CAPN9: variants seen among roughly 807,000 people sequenced by gnomAD.
The protein encoded by CAPN9 is calpain-9.
A neutral mutation model predicts 92.8 loss-of-function variants in CAPN9; 81 were observed. The ratio of observed to expected loss-of-function variants is 0.87; its 90% CI spans 0.73 to 1.05. The LOEUF (loss-of-function observed/expected upper bound fraction) is 1.05. CAPN9 is among the 50% of genes least tolerant of loss of function. CAPN9 has a pLI of 0.00. For missense variants in CAPN9, 848 were observed against 866.2 expected, an observed-to-expected ratio of 0.98 and a Z score of 0.26; for synonymous variants, 304 against 328.0, an observed-to-expected ratio of 0.93 and a Z score of 0.79.
intron 5 of CAPN9, among the ~76,000 whole-genome samples, chr1:230,768,955 A>G (rs1050944952): frequency 6.6e-6 from 1 of 152,228 alleles, no homozygotes; most frequent in African/African-American, 2.4e-5. Flanking sequence ...TGGAGTCCAC[A>G]CTGGAAGCGA....
chr1:230,754,506 T>C (rs1665094806), intron 1 of CAPN9, among the ~76,000 whole-genome samples: 1 of 151,868 alleles, frequency 6.6e-6, no homozygotes, highest in Admixed American at 6.6e-5. Context: ...TAAGCGCATC[T>C]CTGTAAAAAG....
chr1:230,779,261 A>T, intron 9 of CAPN9, 128 bp downstream of exon 9: 1 of 804,034 alleles, frequency 1.2e-6, no homozygotes, highest in South Asian at 2.0e-5. Context: ...GTGACTGGGG[A>T]AAAAAGGCTG....
intron 6 of CAPN9, among the ~76,000 whole-genome samples, chr1:230,771,750 T>C (rs962323143): frequency 1.3e-5 from 2 of 152,284 alleles, no homozygotes; most frequent in Non-Finnish European, 2.9e-5. Flanking sequence ...AATTCTACTT[T>C]ACTTCCCAGA....
At chr1:230,756,053 A>G (rs1665207042) in intron 2 of CAPN9, among the ~76,000 whole-genome samples, 1 of 151,774 alleles carries the variant, frequency 6.6e-6, no homozygotes, top group Non-Finnish European at 1.5e-5. Context: ...TGTTCTATCT[A>G]TGAAAGACAG....
Position 230,786,031 on chromosome 1 carries a change from T to G in CAPN9, c.1518+14T>G. The stretch of plus-strand genomic sequence containing the variant: ...GACCTTCCTGAGGTGAGTCTTCTGA[T>G]GTTGCTATGGAGTATGGGATTCAGG... On this transcript the variant is annotated intron_variant, in intron 12 of 19. Transcript: ENST00000271971. 6.2e-7 allele frequency: 1 copy of G among 1,613,508 alleles called. No individual in the cohort carries two copies. The highest frequency in any genetic ancestry group is 8.5e-7 in the Non-Finnish European group (1 of 1,179,400).
chr1:230,762,855 C>T, intron 4 of CAPN9, 69 bp downstream of exon 4: 1 of 1,468,474 alleles, frequency 6.8e-7, no homozygotes, highest in Non-Finnish European at 9.1e-7. Context: ...TTGTAGTGAG[C>T]ATCTAAGGGC....
chr1:230,748,697 T>C (rs1219796881), intron 1 of CAPN9, among the ~76,000 whole-genome samples: 1 of 152,192 alleles, frequency 6.6e-6, no homozygotes, highest in Non-Finnish European at 1.5e-5. Flanking sequence ...GATACTATTA[T>C]TATCATCATT....
At chr1:230,755,067 G>A (rs1046585256) in intron 1 of CAPN9, among the ~76,000 whole-genome samples, 4 of 152,200 alleles carry the variant, frequency 2.6e-5, no homozygotes, top group Non-Finnish European at 5.9e-5. Flanking sequence ...GCCGGGTGTG[G>A]CCTGTGTTTC....
chr1:230,757,225 A>G (rs1297127800), intron 2 of CAPN9, among the ~76,000 whole-genome samples: 1 of 152,104 alleles, frequency 6.6e-6, no homozygotes, highest in Non-Finnish European at 1.5e-5. Context: ...GCCATATTCT[A>G]GATACAATGT....
intron 5 of CAPN9, among the ~76,000 whole-genome samples, chr1:230,768,801 G>T (rs1336201444): frequency 6.6e-6 from 1 of 151,996 alleles, no homozygotes; most frequent in East Asian, 1.9e-4. Flanking sequence ...TGCACTTTCA[G>T]GTTTGTGACG....
intron 1 of CAPN9, among the ~76,000 whole-genome samples, chr1:230,751,603 AAGAAAGAGAAAG>A (rs1318825556): frequency 7.4e-5 from 1 of 13,454 alleles, no homozygotes; most frequent in African/African-American, 3.4e-4. Context: ...GAAAGAAAGA[AAGAAAGAGAAAG>A]AAAGAAAGAA....
chr1:230,772,240 C>T, intron 7 of CAPN9, 141 bp downstream of exon 7: 1 of 673,512 alleles, frequency 1.5e-6, no homozygotes. Flanking sequence ...TCTGAGGTGC[C>T]CCTTCTTCCT....
At chr1:230,762,867 G>GGGAAAAAATCA in intron 4 of CAPN9, 81 bp downstream of exon 4, 1 of 1,425,608 alleles carries the variant, frequency 7.0e-7, no homozygotes, top group Admixed American at 2.5e-5. Context: ...TCTAAGGGCT[G>GGGAAAAAATCA]GGAAAAAATC....
Position 230,786,411 on chromosome 1 carries a change from G to A in CAPN9, c.1518+394G>A, listed in dbSNP as rs28359695. ...TTTGGGGAGGTAAAGGAGGACAAAG[G>A]TTTTTAAAGAAAAAATGAGAAGGAT... On this transcript the variant is annotated intron_variant, in intron 12 of 19. Transcript: ENST00000271971. Among the ~76,000 whole-genome samples, 1,143 of 152,282 alleles carry A rather than the reference G, an allele frequency of 7.5e-3. 12 individuals carry two copies. Among genetic ancestry groups the A allele is most frequent in the African/African-American group, 0.026 (1,071 of 41,548 alleles).
chr1:230,768,053 TAAA>T (rs869182368), intron 5 of CAPN9, among the ~76,000 whole-genome samples: 6 of 69,894 alleles, frequency 8.6e-5, no homozygotes, highest in African/African-American at 1.2e-4. Context: ...AATAAATAAA[TAAA>T]AAATAAAATA....
chr1:230,754,657 A>T (rs1024848780), intron 1 of CAPN9, among the ~76,000 whole-genome samples: 1 of 131,338 alleles, frequency 7.6e-6, no homozygotes, highest in Non-Finnish European at 1.7e-5. Flanking sequence ...AAAAAAAAAA[A>T]ATTAAAAAGT....
At chr1:230,795,646 A>C (rs1200041408) in intron 18 of CAPN9, among the ~76,000 whole-genome samples, 1 of 151,684 alleles carries the variant, frequency 6.6e-6, no homozygotes, top group Non-Finnish European at 1.5e-5. Context: ...CCCGCCCTGT[A>C]AGCCCTAGAC....
Position 230,792,417 on chromosome 1 carries a change from A to C in CAPN9, c.1723-9A>C. ...ACTGCTCATGTCTCCCTTAACCCAC[A>C]TGGCACAGACCAGCGGCAATGGGAA... On this transcript the variant is annotated splice_polypyrimidine_tract_variant and intron_variant, in intron 15 of 19. Coordinates refer to ENST00000271971, the MANE Select transcript of CAPN9 (RefSeq NM_006615.3). The C allele has an allele frequency of 6.2e-6, 10 of 1,613,154 alleles. No homozygotes were observed. Among genetic ancestry groups the C allele is most frequent in the Non-Finnish European group, 8.5e-6 (10 of 1,179,176 alleles).
intron 1 of CAPN9, among the ~76,000 whole-genome samples, chr1:230,748,349 G>A (rs953943871): frequency 5.9e-5 from 9 of 152,298 alleles, no homozygotes; most frequent in East Asian, 1.9e-4. Context: ...CAATATTTGC[G>A]GTGCTGGATT....
Sources: gnomAD v4.1 joint callset for allele counts (sites outside exome capture counted in the v4.1 genomes callset) on GRCh38, gnomAD v4.1.1 for gene constraint, MANE v1.5 for transcripts, NCBI Gene and HGNC (gene_info 2026-07-23, HGNC 2026-07-21) for gene names.